STXBP6: variants seen among roughly 807,000 people sequenced by gnomAD.
STXBP6 encodes syntaxin-binding protein 6.
In STXBP6, 21 loss-of-function variants were observed where a neutral mutation model predicts 26.9. The observed-to-expected ratio is 0.78, with a 90% confidence interval of 0.55 to 1.12. The LOEUF is 1.12. Ranked by LOEUF, STXBP6 falls within the 50% of genes most tolerant of loss-of-function variation. The pLI is 0.00. For missense variants in STXBP6, 232 were observed against 257.9 expected, an observed-to-expected ratio of 0.90 and a Z score of 0.69; for synonymous variants, 97 against 92.6, an observed-to-expected ratio of 1.05 and a Z score of -0.27.
At chr14:24,923,846 C>G (rs2072068262) in intron 2 of STXBP6, among the ~76,000 whole-genome samples, 1 of 152,080 alleles carries the variant, frequency 6.6e-6, no homozygotes, top group Admixed American at 6.6e-5. Flanking sequence ...TTGCAAATAT[C>G]TTCTCCTTGC....
At position 24,960,547 on chromosome 14, in the gene STXBP6, C is replaced by T. The variant is rs118003091; in HGVS notation, c.154+14118G>A. Among the ~76,000 whole-genome samples, 107 of 152,026 alleles carry T rather than the reference C, an allele frequency of 7.0e-4. 3 individuals are homozygous for T. In the East Asian group the frequency reaches 0.02, roughly 28 times the overall value. On this transcript the variant is annotated intron_variant, in intron 2 of 5. Coordinates refer to ENST00000323944, the MANE Select transcript of STXBP6 (RefSeq NM_001394410.1). ...ATTTTAATATTTTATTCTCCTAACC[C>T]AATGGATCAGGCAGTGTATCACATT...
Position 24,812,592 on chromosome 14 carries a change from C to T in STXBP6, c.*117G>A, listed in dbSNP as rs2067853320. 19 of 996,342 alleles carry T rather than the reference C, an allele frequency of 1.9e-5. No individual in the cohort carries two copies. Among genetic ancestry groups the T allele is most frequent in the Non-Finnish European group, 2.8e-5 (18 of 645,070 alleles). The allele number at this position is 996,342 out of a possible 1,614,324, so 61.7% of individuals were successfully genotyped here. On this transcript the variant is annotated 3_prime_UTR_variant, in exon 6 of 6. Coordinates refer to ENST00000323944, the MANE Select transcript of STXBP6 (RefSeq NM_001394410.1). ...ATCTGAAAAGAAAAAACAAAAACCA[C>T]TCTAAGTGTCCAAATATTGGAAAAA...
At chr14:24,833,441 CAAG>C (rs1278131526) in intron 4 of STXBP6, among the ~76,000 whole-genome samples, 1 of 152,166 alleles carries the variant, frequency 6.6e-6, no homozygotes, top group East Asian at 1.9e-4. Flanking sequence ...TTCTTGATTA[CAAG>C]AATAATCCCT....
intron 1 of STXBP6, chr14:24,995,011 CAAA>C (rs34166172): frequency 0.099 from 9,531 of 96,662 alleles, 952 homozygotes; most frequent in African/African-American, 0.26. Context: ...GACTCCATGT[CAAA>C]AAAAAAAAAA....
chr14:24,877,177 G>A (rs1798654743), intron 2 of STXBP6, among the ~76,000 whole-genome samples: 1 of 152,196 alleles, frequency 6.6e-6, no homozygotes, highest in Non-Finnish European at 1.5e-5. Context: ...GGGGCATCCA[G>A]AAGACATTGG....
chr14:24,995,803 C>T (rs2074587414), intron 1 of STXBP6, among the ~76,000 whole-genome samples: 1 of 152,052 alleles, frequency 6.6e-6, no homozygotes, highest in African/African-American at 2.4e-5. Flanking sequence ...CATATCTTTC[C>T]CTTTTAGAGG....
intron 2 of STXBP6, among the ~76,000 whole-genome samples, chr14:24,906,923 A>G (rs1201229191): frequency 6.6e-6 from 1 of 152,184 alleles, no homozygotes; most frequent in Non-Finnish European, 1.5e-5. Context: ...TTAGAAATAT[A>G]CAAACAGTAC....
At chr14:24,823,175 T>TA (rs1490992944) in intron 4 of STXBP6, among the ~76,000 whole-genome samples, 4 of 152,110 alleles carry the variant, frequency 2.6e-5, no homozygotes, top group African/African-American at 9.7e-5. Flanking sequence ...TGTGTGCTTT[T>TA]AAAAAAATAT....
intron 1 of STXBP6, among the ~76,000 whole-genome samples, chr14:24,998,550 C>G (rs1195095212): frequency 6.6e-6 from 1 of 152,142 alleles, no homozygotes; most frequent in Non-Finnish European, 1.5e-5. Flanking sequence ...ATGACTACTA[C>G]TTGAATAGAG....
intron 2 of STXBP6, among the ~76,000 whole-genome samples, chr14:24,967,595 A>G (rs2073775020): frequency 6.6e-6 from 1 of 152,194 alleles, no homozygotes; most frequent in Non-Finnish European, 1.5e-5. Flanking sequence ...ATGTAAGAAA[A>G]CTCACAATCA....
intron 4 of STXBP6, among the ~76,000 whole-genome samples, chr14:24,836,507 A>G (rs1870778): frequency 0.69 from 104,176 of 151,010 alleles, 36,447 homozygotes; most frequent in South Asian, 0.83. Flanking sequence ...CTGAGTCAGG[A>G]AGAATTGCTT....
At chr14:24,938,255 A>G (rs1177042274) in intron 2 of STXBP6, among the ~76,000 whole-genome samples, 1 of 152,224 alleles carries the variant, frequency 6.6e-6, no homozygotes, top group Non-Finnish European at 1.5e-5. Context: ...GAGCTGCTTC[A>G]TCAGATGCTG....
intron 1 of STXBP6, among the ~76,000 whole-genome samples, chr14:25,045,136 C>G (rs936721660): frequency 3.9e-5 from 6 of 152,154 alleles, no homozygotes; most frequent in African/African-American, 1.2e-4. Flanking sequence ...GTGGTTTGTG[C>G]TAACTCAGTA....
chr14:25,005,048 C>T (rs1259144591), intron 1 of STXBP6, among the ~76,000 whole-genome samples: 3 of 152,040 alleles, frequency 2.0e-5, no homozygotes, highest in East Asian at 1.9e-4. Context: ...CTAGTCACTG[C>T]GGGAGCTGAT....
rs1289282125 is a variant in STXBP6, at chr14:24,957,625, A to C, written c.154+17040T>G. Among the ~76,000 whole-genome samples the C allele has an allele frequency of 2.6e-5, 4 of 152,224 alleles. No homozygotes were observed. The East Asian group carries it at 7.7e-4, about 29-fold the overall frequency. ...AACTACCATTTACTAAGCATTTACT[A>C]TATTCTGGGGCTAAGCCAGGCAGTT... is the stretch of plus-strand genomic sequence containing the variant. On this transcript the variant is annotated intron_variant, in intron 2 of 5. Transcript: ENST00000323944.
intron 2 of STXBP6, among the ~76,000 whole-genome samples, chr14:24,932,501 T>C (rs537421828): frequency 9.2e-5 from 14 of 152,192 alleles, no homozygotes; most frequent in South Asian, 6.2e-4. Context: ...GCCTGGATGA[T>C]AGAGTGAGAT....
intron 1 of STXBP6, among the ~76,000 whole-genome samples, chr14:25,026,761 C>T (rs904183012): frequency 6.6e-6 from 1 of 152,056 alleles, no homozygotes; most frequent in East Asian, 1.9e-4. Context: ...GGACACACAC[C>T]CAAACAGCAG....
chr14:24,914,604 A>G (rs922995413), intron 2 of STXBP6, among the ~76,000 whole-genome samples: 19 of 152,146 alleles, frequency 1.2e-4, no homozygotes, highest in African/African-American at 4.1e-4. Context: ...CCTGAATGCC[A>G]GGGCCGCAGC....
chr14:25,009,298 T>C (rs1200473237), intron 1 of STXBP6, among the ~76,000 whole-genome samples: 3 of 152,210 alleles, frequency 2.0e-5, no homozygotes, highest in Non-Finnish European at 4.4e-5. Context: ...ACATACAGCT[T>C]TGAAGCTTCA....
Sources: gnomAD v4.1 joint callset for allele counts (sites outside exome capture counted in the v4.1 genomes callset) on GRCh38, gnomAD v4.1.1 for gene constraint, MANE v1.5 for transcripts, NCBI Gene and HGNC (gene_info 2026-07-23, HGNC 2026-07-21) for gene names.